The following SPATA13 variants were observed in gnomAD, a reference collection of about 807,000 sequenced individuals.
SPATA13 encodes the protein spermatogenesis associated 13.
Under a neutral mutation model 104.0 loss-of-function variants are expected in SPATA13, and 50 were observed. The observed-to-expected ratio is 0.48, with a 90% CI of 0.38 to 0.61. SPATA13 has a LOEUF of 0.61. Ranked by LOEUF, SPATA13 falls within the 20% of genes least tolerant of loss-of-function variation. The pLI, the probability that SPATA13 is intolerant of heterozygous loss-of-function variation, is 0.00. For missense variants in SPATA13, 1,524 were observed against 1,690.6 expected, an observed-to-expected ratio of 0.90 and a Z score of 1.73; for synonymous variants, 606 against 667.5, an observed-to-expected ratio of 0.91 and a Z score of 1.42.
chr13:24,139,450 A>G (rs541955642), intron 3 of SPATA13, among the ~76,000 whole-genome samples: 4 of 152,098 alleles, frequency 2.6e-5, no homozygotes, highest in African/African-American at 7.3e-5. Context: ...ACCCACACCA[A>G]TTCTCCTCTG....
intron 4 of SPATA13, among the ~76,000 whole-genome samples, chr13:24,253,802 A>T (rs1320566676): frequency 1.3e-5 from 2 of 152,128 alleles, no homozygotes; most frequent in African/African-American, 4.8e-5. Flanking sequence ...AAGCCCAAAG[A>T]CAGGCAGGAA....
chr13:24,264,663 C>T (rs987377455), intron 4 of SPATA13, among the ~76,000 whole-genome samples: 5 of 152,190 alleles, frequency 3.3e-5, no homozygotes, highest in Non-Finnish European at 7.3e-5. Context: ...TTATATTCCT[C>T]CAATCCCTGT....
chr13:24,091,258 G>A (rs980188858), intron 3 of SPATA13, among the ~76,000 whole-genome samples: 1 of 152,202 alleles, frequency 6.6e-6, no homozygotes, highest in African/African-American at 2.4e-5. Context: ...CATACACACA[G>A]CCGTGCACAT....
rs1872213425 is a variant in SPATA13 at position 24,230,697 on chromosome 13, T to C, written c.1653+6115T>C. ...ACATGGGGCTTTGTATATAAGTTTCTAGCAAAGTGATGCATCTATTGTGCT... is the reference window on the plus strand; with the variant it reads ...ACATGGGGCTTTGTATATAAGTTTCCAGCAAAGTGATGCATCTATTGTGCT... On this transcript the variant is annotated intron_variant, in intron 2 of 12. Coordinates refer to ENST00000382108, the MANE Select transcript of SPATA13 (RefSeq NM_001166271.3). 2.6e-5 allele frequency among the ~76,000 whole-genome samples: 4 copies of C among 152,178 alleles called. No homozygotes were observed. In the South Asian group the frequency reaches 8.3e-4, roughly 32 times the overall value.
intron 3 of SPATA13, among the ~76,000 whole-genome samples, chr13:24,128,985 A>T (rs1566114259): frequency 6.6e-6 from 1 of 152,224 alleles, no homozygotes; most frequent in Non-Finnish European, 1.5e-5. Context: ...TGACTGCTGC[A>T]AAAGTGGGTG....
intron 1 of SPATA13, among the ~76,000 whole-genome samples, chr13:23,980,142 A>T (rs1207820871): frequency 6.6e-6 from 1 of 152,060 alleles, no homozygotes; most frequent in Non-Finnish European, 1.5e-5. Context: ...GTGAGCCGAG[A>T]TCGCGCCACT....
At chr13:24,002,559 T>C (rs1487513076) in intron 2 of SPATA13, among the ~76,000 whole-genome samples, 1 of 151,636 alleles carries the variant, frequency 6.6e-6, no homozygotes, top group Non-Finnish European at 1.5e-5. Context: ...GTCAGGGGGG[T>C]GAGTGTGTTG....
intron 12 of SPATA13, among the ~76,000 whole-genome samples, chr13:24,301,960 C>T (rs898542191): frequency 6.6e-6 from 1 of 152,098 alleles, no homozygotes; most frequent in Non-Finnish European, 1.5e-5. Flanking sequence ...GGAACCAAGG[C>T]GTAGAGAAAT....
chr13:24,137,126 G>C lies in SPATA13; in HGVS notation c.-111-85693G>C, dbSNP rs1328093190. Among the ~76,000 whole-genome samples, 4 of 35,066 alleles carry C rather than the reference G, an allele frequency of 1.1e-4. 1 individual carries two copies. The highest frequency in any genetic ancestry group is 3.5e-4 in the African/African-American group (4 of 11,480). 23.0% of individuals were successfully genotyped at this position (35,066 alleles called of 152,430 possible). On this transcript the variant is annotated intron_variant, in intron 3 of 14. Coordinates refer to the SPATA13 transcript ENST00000424834. ...ATTACAGGCGTGAGCCACCGCGCCC[G>C]GCCTGTTCTTTATTTTTATGAGAGA...
At chr13:24,172,114 A>G (rs1471138723) in intron 1 of SPATA13, among the ~76,000 whole-genome samples, 1 of 152,054 alleles carries the variant, frequency 6.6e-6, no homozygotes, top group East Asian at 1.9e-4. Flanking sequence ...CTAAAGCCAC[A>G]CCTAGTTTCC....
chr13:24,077,625 T>TA (rs1879378209), intron 3 of SPATA13, among the ~76,000 whole-genome samples: 6 of 148,894 alleles, frequency 4.0e-5, no homozygotes, highest in Admixed American at 1.3e-4. Flanking sequence ...AAAATAAAAT[T>TA]TAAAAAAAAA....
intron 3 of SPATA13, among the ~76,000 whole-genome samples, chr13:24,043,797 A>C (rs755607384): frequency 6.6e-6 from 1 of 152,190 alleles, no homozygotes; most frequent in African/African-American, 2.4e-5. Flanking sequence ...TTCATCACAC[A>C]CTGAGATTTT....
At chr13:24,212,634 A>C (rs1454313106) in intron 1 of SPATA13, among the ~76,000 whole-genome samples, 1 of 152,144 alleles carries the variant, frequency 6.6e-6, no homozygotes, top group Non-Finnish European at 1.5e-5. Flanking sequence ...TTTTGTGGGG[A>C]GGAGAGGAGA....
rs1355387196 is a variant in SPATA13 at position 24,306,071 on chromosome 13, C to T, written c.*3298C>T. The T allele has an allele frequency of 6.6e-6, 1 of 152,144 alleles. No homozygotes were observed. The highest frequency in any genetic ancestry group is 6.5e-5 in the Admixed American group (1 of 15,274). The allele number at this position is 152,144 out of a possible 1,614,324, so 9.4% of individuals were successfully genotyped here. A position where few individuals can be genotyped will look rare whatever the true frequency, so the allele number is the denominator to read the frequency against. On this transcript the variant is annotated 3_prime_UTR_variant, in exon 13 of 13. Coordinates refer to ENST00000382108, the MANE Select transcript of SPATA13 (RefSeq NM_001166271.3). ...GATTTTGTAGTTGAAAACATTTCACCACCATCAAACACTATTTCTGAATAT... is the reference window on the plus strand; with the variant it reads ...GATTTTGTAGTTGAAAACATTTCACTACCATCAAACACTATTTCTGAATAT...
intron 2 of SPATA13, among the ~76,000 whole-genome samples, chr13:24,245,283 T>TAA (rs60387853): frequency 1.4e-5 from 2 of 143,494 alleles, no homozygotes; most frequent in African/African-American, 2.5e-5. Context: ...AAACTTTGCT[T>TAA]AAAAAAAAAA....
intron 9 of SPATA13, among the ~76,000 whole-genome samples, chr13:24,292,307 G>A (rs368953518): frequency 6.6e-6 from 1 of 152,236 alleles, no homozygotes; most frequent in South Asian, 2.1e-4. Context: ...CAGCTGTTGG[G>A]TACCTCAAGG....
intron 3 of SPATA13, among the ~76,000 whole-genome samples, chr13:24,147,766 C>A (rs1881979332): frequency 8.7e-6 from 1 of 114,522 alleles, no homozygotes. Flanking sequence ...TCCCTCCACA[C>A]CCCTAGCCCC....
chr13:24,066,932 G>A (rs1010951545), intron 3 of SPATA13, among the ~76,000 whole-genome samples: 1 of 152,136 alleles, frequency 6.6e-6, no homozygotes, highest in Admixed American at 6.5e-5. Context: ...GCAGAGGCCT[G>A]GGGTTGCCAT....
chr13:24,059,761 C>G (rs747320440), intron 3 of SPATA13, among the ~76,000 whole-genome samples: 1 of 152,114 alleles, frequency 6.6e-6, no homozygotes, highest in African/African-American at 2.4e-5. Context: ...GAGACTATGG[C>G]GTTTCCTGGA....
Sources: gnomAD v4.1 joint callset for allele counts (sites outside exome capture counted in the v4.1 genomes callset) on GRCh38, gnomAD v4.1.1 for gene constraint, MANE v1.5 for transcripts, NCBI Gene and HGNC (gene_info 2026-07-23, HGNC 2026-07-21) for gene names.